The following CLPX variants were observed in gnomAD, a reference collection of about 807,000 sequenced individuals.
CLPX encodes the protein ATP-dependent clpX-like chaperone, mitochondrial.
A neutral mutation model predicts 76.4 loss-of-function variants in CLPX; 34 were observed. The observed-to-expected ratio is 0.45, with a 90% CI of 0.34 to 0.59. The LOEUF (loss-of-function observed/expected upper bound fraction) is 0.59. Ranked by LOEUF, CLPX falls within the 20% of genes least tolerant of loss-of-function variation. The pLI, the probability that CLPX is intolerant of heterozygous loss-of-function variation, is 0.01. For synonymous variants in CLPX, 248 were observed against 270.9 expected (o/e 0.92, Z 0.83); for missense variants, 613 against 757.0 (o/e 0.81, Z 2.23).
chr15:65,185,055 G>C lies in CLPX; in HGVS notation c.79+20C>G, dbSNP rs1211564775. ...CCCCCCCGACAGGCTGAGGGCTCAG[G>C]AGTGGCACTATTTCGTTACCTCTCT... On this transcript the variant is annotated intron_variant, in intron 1 of 13. Coordinates refer to ENST00000300107, the MANE Select transcript of CLPX (RefSeq NM_006660.5). 1.3e-6 allele frequency: 2 copies of C among 1,559,070 alleles called. No individual in the cohort carries two copies. Among genetic ancestry groups the C allele is most frequent in the Non-Finnish European group, 1.7e-6 (2 of 1,150,692 alleles).
At chr15:65,153,696 A>T in intron 11 of CLPX, 57 bp from the exon 12 acceptor site, 1 of 1,047,644 alleles carries the variant, frequency 9.5e-7, no homozygotes, top group Non-Finnish European at 1.4e-6. Flanking sequence ...ACCACCAGAA[A>T]ATGTACCATT....
At chr15:65,160,083 G>A (rs1424659545) in intron 6 of CLPX, among the ~76,000 whole-genome samples, 1 of 152,114 alleles carries the variant, frequency 6.6e-6, no homozygotes, top group Non-Finnish European at 1.5e-5. Context: ...CAAGTACTGG[G>A]ATTACAGGCA....
At chr15:65,156,958 A>G (rs1447969021) in intron 8 of CLPX, 26 bp from the exon 9 acceptor site, 2 of 1,491,542 alleles carry the variant, frequency 1.3e-6, no homozygotes, top group Non-Finnish European at 1.9e-6. Flanking sequence ...GATTCTATTT[A>G]TAATACGAAA....
intron 4 of CLPX, among the ~76,000 whole-genome samples, chr15:65,166,385 C>G (rs2087913005): frequency 6.6e-6 from 1 of 152,064 alleles, no homozygotes; most frequent in African/African-American, 2.4e-5. Flanking sequence ...AACAAGTTAA[C>G]ATTTTAATAA....
intron 4 of CLPX, among the ~76,000 whole-genome samples, chr15:65,165,579 G>A (rs1252591006): frequency 6.6e-6 from 1 of 151,328 alleles, no homozygotes; most frequent in African/African-American, 2.4e-5. Context: ...TAGAGACGGG[G>A]TTTCACCATG....
At chr15:65,160,076 G>A (rs2140621636) in intron 6 of CLPX, among the ~76,000 whole-genome samples, 1 of 152,254 alleles carries the variant, frequency 6.6e-6, no homozygotes, top group Non-Finnish European at 1.5e-5. Context: ...GCCTCCCCAA[G>A]TACTGGGATT....
chr15:65,173,703 C>A (rs2088045678), intron 3 of CLPX, among the ~76,000 whole-genome samples: 1 of 152,088 alleles, frequency 6.6e-6, no homozygotes, highest in South Asian at 2.1e-4. Flanking sequence ...CCATAAAAAG[C>A]AATGAAATAC....
In CLPX at chr15:65,150,921, G is replaced by A. The variant is rs2140606357; in HGVS notation, c.1812-8C>T. 6.3e-7 allele frequency: 1 copy of A among 1,576,402 alleles called. No individual in the cohort carries two copies. The highest frequency in any genetic ancestry group is 8.6e-7 in the Non-Finnish European group (1 of 1,157,068). On this transcript the variant is annotated splice_region_variant and splice_polypyrimidine_tract_variant and intron_variant, in intron 13 of 13. Transcript: ENST00000300107. ...GATTCTTTTGTTGGAGCCCTACAATGAAAAGCCATGTTTGTTTTTTTAAAA... is the reference window on the plus strand; with the variant it reads ...GATTCTTTTGTTGGAGCCCTACAATAAAAAGCCATGTTTGTTTTTTTAAAA...
In CLPX at chr15:65,157,924, C is replaced by A; in HGVS notation, c.893-14G>T. 6.4e-7 allele frequency: 1 copy of A among 1,559,856 alleles called. No individual in the cohort carries two copies. The highest frequency in any genetic ancestry group is 8.7e-7 in the Non-Finnish European group (1 of 1,155,960). ...GCAGAGTTTTACCTACAAATAGAAA[C>A]AGTCACTAAAAGTTTACTGAAAATA... On this transcript the variant is annotated splice_polypyrimidine_tract_variant and intron_variant, in intron 7 of 13. Transcript: ENST00000300107.
intron 3 of CLPX, among the ~76,000 whole-genome samples, chr15:65,173,383 AAAAAG>A (rs2088040012): frequency 1.3e-5 from 2 of 151,566 alleles, no homozygotes; most frequent in South Asian, 4.2e-4. Flanking sequence ...AAAAAAAAAA[AAAAAG>A]AAGACAGACA....
Position 65,185,267 on chromosome 15 carries a change from A to G in CLPX, c.-114T>C. 2 of 835,108 alleles carry G rather than the reference A, an allele frequency of 2.4e-6. No individual in the cohort carries two copies. The highest frequency in any genetic ancestry group is 2.7e-5 in the East Asian group (1 of 37,106). 51.7% of individuals were successfully genotyped at this position (835,108 alleles called of 1,614,324 possible). ...TTCCGAACCCTTTCGCGGGCCCTAG[A>G]CCCCGTGGAGAGTTCACCTGCCCGG... On this transcript the variant is annotated 5_prime_UTR_variant, in exon 1 of 14. Transcript: ENST00000300107.
intron 9 of CLPX, among the ~76,000 whole-genome samples, chr15:65,156,302 A>G (rs912364678): frequency 6.6e-6 from 1 of 152,196 alleles, no homozygotes; most frequent in African/African-American, 2.4e-5. Flanking sequence ...ATAAAAAAAA[A>G]TTTCCAGCAC....
intron 6 of CLPX, among the ~76,000 whole-genome samples, chr15:65,160,202 A>G (rs960491433): frequency 1.3e-5 from 2 of 152,218 alleles, no homozygotes; most frequent in Admixed American, 6.5e-5. Flanking sequence ...TTTGGCAGAC[A>G]TATCTATTAT....
At chr15:65,179,189 A>G (rs2088130587) in intron 2 of CLPX, 138 bp from the exon 3 acceptor site, 2 of 534,324 alleles carry the variant, frequency 3.7e-6, no homozygotes, top group South Asian at 2.6e-5. Context: ...TATATTTTAT[A>G]ATTCTATTAC....
At chr15:65,157,665 A>G (rs2087805830) in intron 8 of CLPX, 81 bp downstream of exon 8, 2 of 1,312,538 alleles carry the variant, frequency 1.5e-6, no homozygotes, top group Non-Finnish European at 2.0e-6. Flanking sequence ...CTTGACTCAA[A>G]ACAAGAATTA....
chr15:65,169,006 C>T (rs886432696), intron 3 of CLPX, among the ~76,000 whole-genome samples: 17 of 150,778 alleles, frequency 1.1e-4, no homozygotes, highest in South Asian at 4.2e-4. Flanking sequence ...TACAGGCACA[C>T]GCCACCACGC....
intron 6 of CLPX, among the ~76,000 whole-genome samples, chr15:65,158,999 T>C (rs1225634323): frequency 6.6e-6 from 1 of 152,188 alleles, no homozygotes; most frequent in East Asian, 1.9e-4. Context: ...TATATAAATA[T>C]GTAAGAATAC....
In CLPX at chr15:65,154,908, C is replaced by T. The variant is rs150878491; in HGVS notation, c.1485G>A (p.Glu495=). ...CCACCACAGGCAACCGTCCCACAAA[C>T]TCAGGAATCATGCCAAACTCAATCA... ...RDLIEFGMIP[E]FVGRLPVVVP... The change falls in exon 11 of 14, where the codon GAG becomes GAA. Residue 495 remains glutamate (E), a synonymous_variant. Coordinates refer to ENST00000300107, the MANE Select transcript of CLPX (RefSeq NM_006660.5). 2.5e-5 allele frequency: 41 copies of T among 1,614,178 alleles called. No homozygotes were observed. The African/African-American group carries it at 5.2e-4, about 20-fold the overall frequency.
chr15:65,183,686 G>C (rs1205171453), intron 1 of CLPX, among the ~76,000 whole-genome samples: 1 of 152,084 alleles, frequency 6.6e-6, no homozygotes, highest in African/African-American at 2.4e-5. Flanking sequence ...GGCTACAAGA[G>C]ATCAGTAACA....
Sources: allele counts gnomAD v4.1 joint callset (sites outside exome capture counted in the v4.1 genomes callset), GRCh38; gene constraint gnomAD v4.1.1; transcripts MANE v1.5; gene names NCBI Gene and HGNC (gene_info 2026-07-23, HGNC 2026-07-21).